Variants in HS6ST1 observed in about 807,000 individuals in gnomAD.
HS6ST1 encodes the protein heparan-sulfate 6-O-sulfotransferase 1.
A neutral mutation model predicts 25.2 loss-of-function variants in HS6ST1; 3 were observed. The observed-to-expected ratio is 0.12, with a 90% confidence interval of 0.05 to 0.31. The LOEUF (loss-of-function observed/expected upper bound fraction) is 0.31, where lower values mean the gene tolerates loss of function less well. Ranked by LOEUF, HS6ST1 falls within the 10% of genes least tolerant of loss-of-function variation. The probability of loss-of-function intolerance (pLI) is 1.00; values close to 1 mark genes in which losing one functional copy is unlikely to be tolerated. For synonymous variants in HS6ST1, 204 were observed against 275.1 expected (o/e 0.74, Z 2.56); for missense variants, 310 against 609.6 (o/e 0.51, Z 5.18).
Position 128,281,511 on chromosome 2 carries a change from C to G in HS6ST1, c.528-12641G>C, listed in dbSNP as rs994508804. Among the ~76,000 whole-genome samples the G allele has an allele frequency of 1.3e-5, 2 of 152,322 alleles. 1 individual carries two copies. The highest frequency in any genetic ancestry group is 1.3e-4 in the Admixed American group (2 of 15,304). On this transcript the variant is annotated intron_variant, in intron 1 of 1. Transcript: ENST00000259241. ...TTTGCCCTGTTTTCCTGCTGCTGAC[C>G]GGAAAGCGGATGTGACCGCGGAGCA...
chr2:128,312,099 T>C (rs1289583371), intron 1 of HS6ST1, among the ~76,000 whole-genome samples: 2 of 152,248 alleles, frequency 1.3e-5, no homozygotes, highest in Non-Finnish European at 2.9e-5. Context: ...AAACTGCCCA[T>C]GTCTGCCCAG....
At chr2:128,296,484 C>T (rs1479284844) in intron 1 of HS6ST1, among the ~76,000 whole-genome samples, 2 of 152,202 alleles carry the variant, frequency 1.3e-5, no homozygotes, top group African/African-American at 2.4e-5. Flanking sequence ...CTTCCACACA[C>T]AAAAACCTGT....
At chr2:128,310,594 T>A (rs1200129691) in intron 1 of HS6ST1, among the ~76,000 whole-genome samples, 1 of 74,778 alleles carries the variant, frequency 1.3e-5, no homozygotes, top group Non-Finnish European at 2.3e-5. Flanking sequence ...CAGCCCCATC[T>A]TCACCACGGC....
At chr2:128,277,656 T>C (rs1693716548) in intron 1 of HS6ST1, among the ~76,000 whole-genome samples, 1 of 152,174 alleles carries the variant, frequency 6.6e-6, no homozygotes, top group South Asian at 2.1e-4. Context: ...ACATGGCCAG[T>C]GAGGCTAAGG....
At chr2:128,315,516 C>T (rs1161050958) in intron 1 of HS6ST1, among the ~76,000 whole-genome samples, 2 of 152,192 alleles carry the variant, frequency 1.3e-5, no homozygotes, top group South Asian at 2.1e-4. Flanking sequence ...CCAGAGAACA[C>T]GGAGATGGCA....
intron 1 of HS6ST1, among the ~76,000 whole-genome samples, chr2:128,298,334 T>A (rs1164218382): frequency 6.6e-6 from 1 of 151,990 alleles, no homozygotes; most frequent in African/African-American, 2.4e-5. Flanking sequence ...TCCCAAACAA[T>A]CTAAAAGCAG....
chr2:128,296,292 T>A (rs7586881), intron 1 of HS6ST1, among the ~76,000 whole-genome samples: 87,610 of 152,166 alleles, frequency 0.58, 26,150 homozygotes, highest in East Asian at 0.78. Flanking sequence ...TTTCCTCTAC[T>A]TTGGGAACAA....
chr2:128,301,830 G>A (rs1403066297), intron 1 of HS6ST1, among the ~76,000 whole-genome samples: 1 of 152,106 alleles, frequency 6.6e-6, no homozygotes, highest in African/African-American at 2.4e-5. Context: ...CATGGACATC[G>A]GGCAGCATGT....
chr2:128,270,901 C>T (rs930352769), intron 1 of HS6ST1, among the ~76,000 whole-genome samples: 11 of 152,230 alleles, frequency 7.2e-5, no homozygotes, highest in African/African-American at 2.2e-4. Context: ...GGCAAGGACA[C>T]GCTGTGCACA....
intron 1 of HS6ST1, among the ~76,000 whole-genome samples, chr2:128,279,203 G>C (rs948177146): frequency 3.3e-5 from 5 of 152,080 alleles, no homozygotes; most frequent in Non-Finnish European, 7.4e-5. Flanking sequence ...CATGAAACAA[G>C]GGTCTAACCC....
intron 1 of HS6ST1, among the ~76,000 whole-genome samples, chr2:128,303,377 G>A (rs1055192346): frequency 6.6e-6 from 1 of 152,244 alleles, no homozygotes; most frequent in Non-Finnish European, 1.5e-5. Flanking sequence ...TGAGGGCTGA[G>A]GACAGCTCTA....
At chr2:128,286,447 G>A (rs1002339952) in intron 1 of HS6ST1, among the ~76,000 whole-genome samples, 1 of 152,210 alleles carries the variant, frequency 6.6e-6, no homozygotes, top group African/African-American at 2.4e-5. Context: ...GGCCTGGCAA[G>A]GGGGCTGGGG....
intron 1 of HS6ST1, among the ~76,000 whole-genome samples, chr2:128,275,917 GC>G (rs1693687748): frequency 6.6e-6 from 1 of 152,142 alleles, no homozygotes; most frequent in South Asian, 2.1e-4. Flanking sequence ...AGTGCCAAAT[GC>G]CCACCACGGT....
intron 1 of HS6ST1, among the ~76,000 whole-genome samples, chr2:128,315,894 G>A (rs1251871144): frequency 1.3e-5 from 2 of 152,222 alleles, no homozygotes; most frequent in East Asian, 1.9e-4. Flanking sequence ...AGAGGGACTC[G>A]GAGGGTGGGG....
intron 1 of HS6ST1, among the ~76,000 whole-genome samples, chr2:128,279,065 G>C (rs1047999367): frequency 3.3e-5 from 5 of 152,160 alleles, no homozygotes; most frequent in Admixed American, 2.6e-4. Flanking sequence ...GGTGTAGGCT[G>C]CAAAGGGGCC....
chr2:128,291,016 T>A (rs1477135477), intron 1 of HS6ST1, among the ~76,000 whole-genome samples: 3 of 151,974 alleles, frequency 2.0e-5, no homozygotes, highest in Non-Finnish European at 4.4e-5. Flanking sequence ...TGATAAAGTA[T>A]CCCCAAAACC....
chr2:128,287,911 C>T (rs1309230992), intron 1 of HS6ST1, among the ~76,000 whole-genome samples: 1 of 152,244 alleles, frequency 6.6e-6, no homozygotes, highest in Non-Finnish European at 1.5e-5. Context: ...GAAGGCTGCC[C>T]ATTCATATTT....
intron 1 of HS6ST1, among the ~76,000 whole-genome samples, chr2:128,301,143 C>T (rs775886051): frequency 3.3e-5 from 5 of 152,122 alleles, no homozygotes; most frequent in Non-Finnish European, 4.4e-5. Context: ...GTAGCTCTAG[C>T]CGCCCCTCTG....
In HS6ST1 at chr2:128,268,122, C is replaced by T. The variant is rs780523358; in HGVS notation, c.*40G>A. On this transcript the variant is annotated 3_prime_UTR_variant, in exon 2 of 2. Transcript: ENST00000259241. ...CCTGTCGTCTGTCCTGTTTTATCCC[C>T]CACACCCCCCAAGAGGCCTCCCCGT... 2 of 1,463,012 alleles carry T rather than the reference C, an allele frequency of 1.4e-6. No homozygotes were observed. Among genetic ancestry groups the T allele is most frequent in the South Asian group, 1.2e-5 (1 of 84,272 alleles). 90.6% of individuals were successfully genotyped at this position (1,463,012 alleles called of 1,614,324 possible).
Sources: gnomAD v4.1 joint callset for allele counts (sites outside exome capture counted in the v4.1 genomes callset) on GRCh38, gnomAD v4.1.1 for gene constraint, MANE v1.5 for transcripts, NCBI Gene and HGNC (gene_info 2026-07-23, HGNC 2026-07-21) for gene names.